CPPED1: variants seen among roughly 807,000 people sequenced by gnomAD.
CPPED1 encodes the protein calcineurin like phosphoesterase domain containing 1.
CPPED1 carries 28 observed loss-of-function variants against 28.0 expected under a neutral mutation model. The observed-to-expected ratio is 1.00, with a 90% CI of 0.74 to 1.37. The LOEUF (loss-of-function observed/expected upper bound fraction) is 1.37. CPPED1 is among the 40% of genes most tolerant of loss of function. The pLI is 0.00. For missense variants in CPPED1, 504 were observed against 416.5 expected, an observed-to-expected ratio of 1.21 and a Z score of -1.83; for synonymous variants, 198 against 180.2, an observed-to-expected ratio of 1.10 and a Z score of -0.79.
At chr16:12,687,552 C>G (rs763263431) in intron 3 of CPPED1, among the ~76,000 whole-genome samples, 12 of 152,310 alleles carry the variant, frequency 7.9e-5, no homozygotes, top group Non-Finnish European at 1.3e-4. Context: ...GGGCAGATCA[C>G]TTGACATCAG....
At chr16:12,743,105 T>C (rs894435879) in intron 2 of CPPED1, among the ~76,000 whole-genome samples, 3 of 152,200 alleles carry the variant, frequency 2.0e-5, no homozygotes, top group African/African-American at 7.2e-5. Context: ...AGGTGGGTGT[T>C]CAGCATACAC....
At chr16:12,752,394 T>C (rs10852357) in intron 2 of CPPED1, among the ~76,000 whole-genome samples, 4 of 151,780 alleles carry the variant, frequency 2.6e-5, no homozygotes, top group East Asian at 3.9e-4. Context: ...ACACGAAATA[T>C]GGAAGCTTTG....
At chr16:12,765,094 C>T (rs976085314) in intron 2 of CPPED1, among the ~76,000 whole-genome samples, 7 of 152,296 alleles carry the variant, frequency 4.6e-5, no homozygotes, top group African/African-American at 1.7e-4. Context: ...ATGATTTATT[C>T]CTTTGATTAA....
chr16:12,761,670 T>G (rs181120003), intron 2 of CPPED1, among the ~76,000 whole-genome samples: 12 of 152,264 alleles, frequency 7.9e-5, no homozygotes, highest in African/African-American at 2.9e-4. Flanking sequence ...TAAAATCGCT[T>G]CCTATTTTCC....
chr16:12,800,577 C>T (rs11866435), intron 1 of CPPED1, among the ~76,000 whole-genome samples: 49,526 of 152,076 alleles, frequency 0.33, 11,289 homozygotes, highest in African/African-American at 0.64. Context: ...AATCAGACCA[C>T]TCTTTTCAAA....
chr16:12,695,023 C>T (rs541537973), intron 3 of CPPED1, among the ~76,000 whole-genome samples: 9 of 152,104 alleles, frequency 5.9e-5, no homozygotes, highest in African/African-American at 9.7e-5. Context: ...GGTGATCCAC[C>T]GACCTCGCCC....
chr16:12,684,999 C>T (rs947076846), intron 3 of CPPED1, among the ~76,000 whole-genome samples: 2 of 152,168 alleles, frequency 1.3e-5, no homozygotes, highest in African/African-American at 4.8e-5. Context: ...AAAGAACTGC[C>T]ATGTTCCTTA....
chr16:12,802,896 T>C (rs764541263), intron 1 of CPPED1, among the ~76,000 whole-genome samples: 8 of 152,168 alleles, frequency 5.3e-5, no homozygotes, highest in Non-Finnish European at 8.8e-5. Flanking sequence ...AGCCTGATCA[T>C]ATAGGGCATT....
In CPPED1 at chr16:12,694,155, G is replaced by A. The variant is rs969224365; in HGVS notation, c.715+10469C>T. Among the ~76,000 whole-genome samples, 15 of 152,234 alleles carry A rather than the reference G, an allele frequency of 9.9e-5. No individual in the cohort carries two copies. In the East Asian group the frequency reaches 1.3e-3, roughly 14 times the overall value. Reference sequence around the variant, plus strand: ...TGGGAGGTGGAGGTTGCAATGAGCCGAGATTGCGCCACTGCACTCCAGCCT... The same window carrying A: ...TGGGAGGTGGAGGTTGCAATGAGCCAAGATTGCGCCACTGCACTCCAGCCT... On this transcript the variant is annotated intron_variant, in intron 3 of 3. Transcript: ENST00000381774.
At chr16:12,790,843 TG>T (rs1462241162) in intron 1 of CPPED1, among the ~76,000 whole-genome samples, 1 of 149,122 alleles carries the variant, frequency 6.7e-6, no homozygotes, top group Non-Finnish European at 1.5e-5. Context: ...GCAGGAGAAT[TG>T]CTTGAACCTT....
intron 2 of CPPED1, among the ~76,000 whole-genome samples, chr16:12,744,803 G>C (rs1357353174): frequency 6.6e-6 from 1 of 152,096 alleles, no homozygotes; most frequent in South Asian, 2.1e-4. Flanking sequence ...GGGCAACATG[G>C]CAAAACACCA....
At chr16:12,786,156 G>T (rs1332191935) in intron 1 of CPPED1, among the ~76,000 whole-genome samples, 2 of 152,220 alleles carry the variant, frequency 1.3e-5, no homozygotes, top group Non-Finnish European at 2.9e-5. Context: ...GCAGGGCTGG[G>T]CCACAGCCTT....
At chr16:12,794,980 G>A (rs995134347) in intron 1 of CPPED1, among the ~76,000 whole-genome samples, 6 of 152,208 alleles carry the variant, frequency 3.9e-5, no homozygotes, top group East Asian at 1.9e-4. Flanking sequence ...TCGAGACAAC[G>A]GTTAAAGAGG....
At chr16:12,726,242 G>C (rs1440152705) in intron 2 of CPPED1, among the ~76,000 whole-genome samples, 1 of 150,550 alleles carries the variant, frequency 6.6e-6, no homozygotes, top group Non-Finnish European at 1.5e-5. Context: ...GGGTATCACT[G>C]TGTTGGCCAA....
Position 12,803,818 on chromosome 16 carries a change from T to C in CPPED1, c.-42A>G. On this transcript the variant is annotated 5_prime_UTR_variant, in exon 1 of 4. Transcript: ENST00000381774. ...GCCTTCACTTAGAACACTGCGTGGG[T>C]GGAAGCCGCGCGACTTCACACAGAA... is the stretch of plus-strand genomic sequence containing the variant. 1 of 1,561,932 alleles carries C rather than the reference T, an allele frequency of 6.4e-7. No individual in the cohort carries two copies. The highest frequency in any genetic ancestry group is 8.7e-7 in the Non-Finnish European group (1 of 1,152,314).
chr16:12,699,851 T>A (rs1457738590), intron 3 of CPPED1, among the ~76,000 whole-genome samples: 1 of 152,100 alleles, frequency 6.6e-6, no homozygotes, highest in Non-Finnish European at 1.5e-5. Flanking sequence ...CACCCCCAAT[T>A]TTATCCCAGC....
At chr16:12,686,747 T>C (rs1298250155) in intron 3 of CPPED1, among the ~76,000 whole-genome samples, 1 of 152,142 alleles carries the variant, frequency 6.6e-6, no homozygotes, top group Non-Finnish European at 1.5e-5. Flanking sequence ...AGAGGCAGAG[T>C]GTCAGTTACT....
intron 2 of CPPED1, among the ~76,000 whole-genome samples, chr16:12,775,118 C>T (rs997583292): frequency 2.0e-5 from 3 of 152,044 alleles, no homozygotes; most frequent in African/African-American, 7.2e-5. Flanking sequence ...CTGCCCTGGG[C>T]TGGTGGCTTT....
chr16:12,740,020 C>T (rs188462788), intron 2 of CPPED1, among the ~76,000 whole-genome samples: 89 of 86,546 alleles, frequency 1.0e-3, no homozygotes, highest in Middle Eastern at 8.1e-3. Flanking sequence ...GAAAGAAAGA[C>T]GAAAGAAAGA....
Sources: gnomAD v4.1 joint callset for allele counts (sites outside exome capture counted in the v4.1 genomes callset) on GRCh38, gnomAD v4.1.1 for gene constraint, MANE v1.5 for transcripts, NCBI Gene and HGNC (gene_info 2026-07-23, HGNC 2026-07-21) for gene names.